Variants in PCDH15 observed in about 807,000 individuals in gnomAD.
PCDH15 encodes protocadherin-15.
PCDH15 carries 129 observed loss-of-function variants against 178.5 expected under a neutral mutation model. That is an observed-to-expected ratio of 0.72 (90% CI 0.63 to 0.84). The LOEUF (loss-of-function observed/expected upper bound fraction) is 0.84, where lower values mean the gene tolerates loss of function less well. PCDH15 is among the 40% of genes least tolerant of loss of function. The probability of loss-of-function intolerance (pLI) is 0.00; values close to 1 mark genes in which losing one functional copy is unlikely to be tolerated. For missense variants in PCDH15, 2,230 were observed against 2,099.9 expected (o/e 1.06, Z -1.21); for synonymous variants, 800 against 732.0 (o/e 1.09, Z -1.50).
chr10:54,568,323 C>T (rs1312727680), intron 2 of PCDH15, among the ~76,000 whole-genome samples: 1 of 151,972 alleles, frequency 6.6e-6, no homozygotes, highest in African/African-American at 2.4e-5. Flanking sequence ...ATCTACTTCA[C>T]CACTGTCTAA....
At chr10:53,833,849 T>TC (rs2077151956) in intron 29 of PCDH15, among the ~76,000 whole-genome samples, 1 of 152,112 alleles carries the variant, frequency 6.6e-6, no homozygotes, top group Non-Finnish European at 1.5e-5. Context: ...GCATAAATTT[T>TC]CAATGGATAC....
At chr10:55,506,496 A>G (rs183300574) in intron 2 of PCDH15, among the ~76,000 whole-genome samples, 1 of 151,582 alleles carries the variant, frequency 6.6e-6, no homozygotes, top group Non-Finnish European at 1.5e-5. Context: ...AGAGAGCTAC[A>G]TAAGAAAGTG....
chr10:54,287,804 T>C (rs1230920484), intron 8 of PCDH15, among the ~76,000 whole-genome samples: 1 of 152,166 alleles, frequency 6.6e-6, no homozygotes, highest in Non-Finnish European at 1.5e-5. Context: ...AATAGACAGT[T>C]GGGATTCAAT....
chr10:54,362,860 T>C (rs1946264110), intron 5 of PCDH15, among the ~76,000 whole-genome samples: 1 of 152,116 alleles, frequency 6.6e-6, no homozygotes, highest in Admixed American at 6.6e-5. Flanking sequence ...TAGTTCATAT[T>C]TATCAAGTTT....
chr10:55,207,588 C>T (rs1327781069), intron 1 of PCDH15, among the ~76,000 whole-genome samples: 1 of 152,170 alleles, frequency 6.6e-6, no homozygotes, highest in African/African-American at 2.4e-5. Context: ...CAAATTAAAA[C>T]ATAGCTAAGC....
intron 3 of PCDH15, among the ~76,000 whole-genome samples, chr10:54,865,740 A>T (rs1953927265): frequency 6.6e-6 from 1 of 152,176 alleles, no homozygotes; most frequent in Non-Finnish European, 1.5e-5. Flanking sequence ...GTTAATGTGG[A>T]TAGCATATGA....
At chr10:54,900,295 T>C (rs67522964) in intron 2 of PCDH15, among the ~76,000 whole-genome samples, 36,960 of 152,096 alleles carry the variant, frequency 0.24, 5,320 homozygotes, top group Non-Finnish European at 0.33. Context: ...TATTCGAACG[T>C]GATAATTTTA....
intron 1 of PCDH15, among the ~76,000 whole-genome samples, chr10:54,734,697 T>C (rs1186474455): frequency 5.3e-5 from 8 of 151,918 alleles, no homozygotes; most frequent in Non-Finnish European, 1.5e-5. Context: ...TGGTAATCCA[T>C]ACAACAGAGT....
chr10:55,249,234 C>T (rs1841767386), intron 1 of PCDH15, among the ~76,000 whole-genome samples: 1 of 152,130 alleles, frequency 6.6e-6, no homozygotes, highest in African/African-American at 2.4e-5. Context: ...GGATAATCAT[C>T]TTACATAATA....
intron 6 of PCDH15, among the ~76,000 whole-genome samples, chr10:54,333,574 A>AG (rs1436385023): frequency 6.6e-6 from 1 of 151,852 alleles, no homozygotes; most frequent in Non-Finnish European, 1.5e-5. Context: ...TAAAAAAAAA[A>AG]AAGCTAAATT....
chr10:54,326,754 A>G (rs1256953655), intron 7 of PCDH15, among the ~76,000 whole-genome samples: 6 of 152,172 alleles, frequency 3.9e-5, no homozygotes, highest in Non-Finnish European at 4.4e-5. Context: ...AAAACAAATG[A>G]TCAAATAAAC....
intron 2 of PCDH15, among the ~76,000 whole-genome samples, chr10:54,611,967 A>G (rs2092975416): frequency 6.6e-6 from 1 of 151,852 alleles, no homozygotes; most frequent in South Asian, 2.1e-4. Flanking sequence ...GTGAATAAAT[A>G]CAAAAACAAA....
At chr10:54,444,557 C>T (rs34588438) in intron 3 of PCDH15, among the ~76,000 whole-genome samples, 5,163 of 151,740 alleles carry the variant, frequency 0.034, 134 homozygotes, top group African/African-American at 0.073. Flanking sequence ...TTTCTGAAAT[C>T]TGAATAATTT....
At chr10:54,195,631 G>C in intron 11 of PCDH15, 52 bp downstream of exon 11, 1 of 1,447,852 alleles carries the variant, frequency 6.9e-7, no homozygotes, top group Non-Finnish European at 9.7e-7. Flanking sequence ...TCCCATTAAT[G>C]GAAATATGAG....
At chr10:54,006,943 C>T (rs997722100) in intron 20 of PCDH15, among the ~76,000 whole-genome samples, 4 of 152,160 alleles carry the variant, frequency 2.6e-5, no homozygotes, top group African/African-American at 9.7e-5. Context: ...CCCGTCTTCA[C>T]AGAAGCATGT....
At chr10:54,656,504 C>T (rs1010349181) in intron 2 of PCDH15, among the ~76,000 whole-genome samples, 2 of 152,160 alleles carry the variant, frequency 1.3e-5, no homozygotes, top group Non-Finnish European at 2.9e-5. Context: ...CACAGGGGTG[C>T]CCACACTCTT....
intron 2 of PCDH15, among the ~76,000 whole-genome samples, chr10:55,379,685 T>C (rs1291440839): frequency 6.6e-6 from 1 of 151,998 alleles, no homozygotes; most frequent in Non-Finnish European, 1.5e-5. Flanking sequence ...TCAAATACTA[T>C]ATTTACCCCC....
At chr10:54,527,159 T>G (rs2083439034) in intron 3 of PCDH15, among the ~76,000 whole-genome samples, 2 of 152,058 alleles carry the variant, frequency 1.3e-5, no homozygotes, top group Non-Finnish European at 2.9e-5. Flanking sequence ...CTTTCAATAT[T>G]TCTACATTAA....
At chr10:53,825,974 C>T (rs1314859056) in intron 32 of PCDH15, among the ~76,000 whole-genome samples, 2 of 151,506 alleles carry the variant, frequency 1.3e-5, no homozygotes, top group East Asian at 3.9e-4. Flanking sequence ...TATACCTGTT[C>T]TTATTAATTT....
Sources: gnomAD v4.1 joint callset for allele counts (sites outside exome capture counted in the v4.1 genomes callset) on GRCh38, gnomAD v4.1.1 for gene constraint, MANE v1.5 for transcripts, NCBI Gene and HGNC (gene_info 2026-07-23, HGNC 2026-07-21) for gene names.